Variants in ZBTB7C observed in about 807,000 individuals in gnomAD.
ZBTB7C encodes zinc finger and BTB domain containing 7C.
In ZBTB7C, 8 loss-of-function variants were observed where a neutral mutation model predicts 25.7. The ratio of observed to expected loss-of-function variants is 0.31; its 90% CI spans 0.18 to 0.56. ZBTB7C has a LOEUF of 0.56. Ranked by LOEUF, ZBTB7C falls within the 20% of genes least tolerant of loss-of-function variation. The pLI, the probability that ZBTB7C is intolerant of heterozygous loss-of-function variation, is 0.91. For missense variants in ZBTB7C, 824 were observed against 855.2 expected, an observed-to-expected ratio of 0.96 and a Z score of 0.46; for synonymous variants, 394 against 369.0, an observed-to-expected ratio of 1.07 and a Z score of -0.78.
At chr18:48,058,390 T>C (rs1568183889) in intron 3 of ZBTB7C, among the ~76,000 whole-genome samples, 1 of 152,130 alleles carries the variant, frequency 6.6e-6, no homozygotes, top group African/African-American at 2.4e-5. Context: ...CCACAGTCTG[T>C]TCTGGATATA....
chr18:48,388,047 G>A (rs572793965), intron 1 of ZBTB7C, among the ~76,000 whole-genome samples: 16 of 152,174 alleles, frequency 1.1e-4, no homozygotes, highest in African/African-American at 3.9e-4. Flanking sequence ...GGCTGGTCTC[G>A]AACTCCTGAC....
intron 3 of ZBTB7C, among the ~76,000 whole-genome samples, chr18:48,151,390 G>T (rs779052091): frequency 3.9e-5 from 6 of 152,130 alleles, no homozygotes; most frequent in Non-Finnish European, 8.8e-5. Context: ...ATTCTTAGAA[G>T]GATGAAAGGG....
intron 2 of ZBTB7C, among the ~76,000 whole-genome samples, chr18:48,278,199 A>G (rs2044724730): frequency 6.6e-6 from 1 of 152,156 alleles, no homozygotes; most frequent in Non-Finnish European, 1.5e-5. Flanking sequence ...TTCCTGCCAC[A>G]TGCAAAGAAA....
intron 3 of ZBTB7C, among the ~76,000 whole-genome samples, chr18:48,125,755 G>T (rs1199508681): frequency 6.6e-6 from 1 of 152,220 alleles, no homozygotes; most frequent in African/African-American, 2.4e-5. Flanking sequence ...GGTGGCTCCA[G>T]TAGACAAGGT....
intron 2 of ZBTB7C, among the ~76,000 whole-genome samples, chr18:48,194,883 G>A (rs552240032): frequency 1.3e-5 from 2 of 151,772 alleles, no homozygotes; most frequent in East Asian, 2.0e-4. Context: ...ACATCTGGGA[G>A]GGGGGAGGGG....
intron 1 of ZBTB7C, among the ~76,000 whole-genome samples, chr18:48,343,752 A>T (rs2144989192): frequency 6.6e-6 from 1 of 152,214 alleles, no homozygotes; most frequent in East Asian, 1.9e-4. Flanking sequence ...AATCTGCATC[A>T]TCTGCGGATC....
At chr18:48,147,015 G>A (rs1296809186) in intron 3 of ZBTB7C, among the ~76,000 whole-genome samples, 1 of 152,204 alleles carries the variant, frequency 6.6e-6, no homozygotes. Flanking sequence ...AACAATCAGG[G>A]ACTATGCCAG....
chr18:48,174,886 T>G (rs1236268499), intron 3 of ZBTB7C, among the ~76,000 whole-genome samples: 1 of 152,236 alleles, frequency 6.6e-6, no homozygotes, highest in African/African-American at 2.4e-5. Flanking sequence ...ATTTTGCTTC[T>G]CTTTACACAA....
At chr18:48,343,472 A>T (rs2046652679) in intron 1 of ZBTB7C, among the ~76,000 whole-genome samples, 1 of 152,236 alleles carries the variant, frequency 6.6e-6, no homozygotes, top group Non-Finnish European at 1.5e-5. Context: ...TGCTCATTGT[A>T]GGAACTTAAC....
At chr18:48,182,352 G>A (rs920829811) in intron 3 of ZBTB7C, among the ~76,000 whole-genome samples, 2 of 152,138 alleles carry the variant, frequency 1.3e-5, no homozygotes, top group South Asian at 2.1e-4. Context: ...AGGCCTCCAC[G>A]ATTATAAAAT....
At chr18:48,038,979 A>C (rs929140754) in intron 4 of ZBTB7C, among the ~76,000 whole-genome samples, 1 of 152,164 alleles carries the variant, frequency 6.6e-6, no homozygotes, top group Admixed American at 6.5e-5. Context: ...TATTTTCCAA[A>C]AGTGAGGCCT....
intron 3 of ZBTB7C, among the ~76,000 whole-genome samples, chr18:48,142,018 G>T (rs866818777): frequency 6.6e-6 from 1 of 152,204 alleles, no homozygotes; most frequent in Admixed American, 6.5e-5. Flanking sequence ...AGGGAGCCAC[G>T]AACTGAAGCT....
intron 1 of ZBTB7C, among the ~76,000 whole-genome samples, chr18:48,385,934 C>G (rs939510615): frequency 1.3e-5 from 2 of 152,150 alleles, no homozygotes; most frequent in Middle Eastern, 3.2e-3. Flanking sequence ...TCCCCCTCCC[C>G]ACAAATCCAC....
chr18:48,094,263 G>A (rs12956689), intron 3 of ZBTB7C, among the ~76,000 whole-genome samples: 48,706 of 151,916 alleles, frequency 0.32, 9,028 homozygotes, highest in South Asian at 0.51. Flanking sequence ...TTTCTTCTCC[G>A]GGTTTTAGCT....
chr18:48,194,123 G>A (rs2042262966), intron 2 of ZBTB7C, among the ~76,000 whole-genome samples: 1 of 152,266 alleles, frequency 6.6e-6, no homozygotes. Context: ...GGCCAAGGAA[G>A]GGGAGGGCAG....
chr18:48,301,752 G>C (rs2045550275), intron 2 of ZBTB7C, among the ~76,000 whole-genome samples: 1 of 152,190 alleles, frequency 6.6e-6, no homozygotes, highest in African/African-American at 2.4e-5. Flanking sequence ...AGATTGTGTT[G>C]ACTTTTCTTG....
intron 2 of ZBTB7C, among the ~76,000 whole-genome samples, chr18:48,189,046 A>AT (rs1468921379): frequency 6.6e-6 from 1 of 152,110 alleles, no homozygotes; most frequent in Admixed American, 6.5e-5. Context: ...TATTGCTAAC[A>AT]TTTTTTTGTC....
intron 3 of ZBTB7C, among the ~76,000 whole-genome samples, chr18:48,094,871 T>C (rs1321010752): frequency 2.6e-5 from 4 of 152,200 alleles, no homozygotes; most frequent in Non-Finnish European, 5.9e-5. Flanking sequence ...TGAATGGTTC[T>C]ACCTGGATGC....
chr18:48,342,904 G>A (rs1050497572), intron 1 of ZBTB7C, among the ~76,000 whole-genome samples: 1 of 152,016 alleles, frequency 6.6e-6, no homozygotes, highest in African/African-American at 2.4e-5. Flanking sequence ...TAAGTTCATT[G>A]TTTTTTACTG....
Sources: gnomAD v4.1 joint callset for allele counts (sites outside exome capture counted in the v4.1 genomes callset) on GRCh38, gnomAD v4.1.1 for gene constraint, MANE v1.5 for transcripts, NCBI Gene and HGNC (gene_info 2026-07-23, HGNC 2026-07-21) for gene names.